Variants in FRY observed in about 807,000 individuals in gnomAD.
FRY encodes FRY microtubule binding protein, also known as protein furry homolog.
Under a neutral mutation model 348.4 loss-of-function variants are expected in FRY, and 128 were observed. That is an observed-to-expected ratio of 0.37 (90% CI 0.32 to 0.43). The LOEUF (loss-of-function observed/expected upper bound fraction) is 0.43. Ranked by LOEUF, FRY falls within the 20% of genes least tolerant of loss-of-function variation. The pLI is 1.00. For missense variants in FRY, 2,736 were observed against 3,695.2 expected, an observed-to-expected ratio of 0.74 and a Z score of 6.73; for synonymous variants, 1,370 against 1,374.7, an observed-to-expected ratio of 1.00 and a Z score of 0.08.
chr13:32,295,192 T>C lies in FRY; in HGVS notation c.8784-10T>C. ...GTGCCTCTAATCTGTGCTGTTCTTT[T>C]TGACTGCAGAAGTCTGTGGCCCAAT... On this transcript the variant is annotated splice_polypyrimidine_tract_variant and intron_variant, in intron 60 of 60. Coordinates refer to ENST00000542859, the MANE Select transcript of FRY (RefSeq NM_023037.3). The C allele has an allele frequency of 6.2e-7, 1 of 1,613,756 alleles. No individual in the cohort carries two copies. The highest frequency in any genetic ancestry group is 1.1e-5 in the South Asian group (1 of 91,082).
At chr13:32,047,554 CT>C (rs941143232) in intron 1 of FRY, among the ~76,000 whole-genome samples, 5 of 148,676 alleles carry the variant, frequency 3.4e-5, no homozygotes, top group Middle Eastern at 3.3e-3. Flanking sequence ...TTTTGTTTTT[CT>C]TTTTTTCTTT....
intron 42 of FRY, among the ~76,000 whole-genome samples, chr13:32,235,598 G>A (rs1485581285): frequency 6.6e-6 from 1 of 152,182 alleles, no homozygotes; most frequent in Non-Finnish European, 1.5e-5. Context: ...ACTCAAGCCT[G>A]GGCAACGGAA....
At chr13:32,101,123 C>T (rs914753146) in intron 2 of FRY, among the ~76,000 whole-genome samples, 11 of 152,262 alleles carry the variant, frequency 7.2e-5, no homozygotes, top group African/African-American at 2.4e-4. Context: ...CCTCTCATTC[C>T]TCTCTCGCCA....
chr13:32,035,348 C>T (rs539312298), intron 1 of FRY, among the ~76,000 whole-genome samples: 221 of 152,276 alleles, frequency 1.5e-3, no homozygotes, highest in African/African-American at 5.1e-3. Context: ...ACTACTTTAA[C>T]TTTCTACCTC....
intron 35 of FRY, among the ~76,000 whole-genome samples, chr13:32,213,399 C>G (rs1884796168): frequency 6.6e-6 from 1 of 152,332 alleles, no homozygotes; most frequent in Non-Finnish European, 1.5e-5. Flanking sequence ...CAGGCAGATG[C>G]TCATCCATAC....
intron 14 of FRY, 75 bp from the exon 15 acceptor site, chr13:32,155,416 C>A: frequency 9.4e-7 from 1 of 1,066,260 alleles, no homozygotes. Context: ...TCTTAACTAT[C>A]TGAAAGACTT....
chr13:32,211,682 C>G (rs926133503), intron 34 of FRY, among the ~76,000 whole-genome samples: 1 of 152,024 alleles, frequency 6.6e-6, no homozygotes, highest in Non-Finnish European at 1.5e-5. Flanking sequence ...GATTAAAATT[C>G]CCCCCAAAAG....
In FRY at chr13:32,274,881, G is replaced by A; in HGVS notation, c.8176G>A (p.Ala2726Thr). ...GTTCTGCTTCCTAACCTGTGATGCA[G>A]CCAGTTACCTTGGAGATAACCTCCG... is the stretch of plus-strand genomic sequence containing the variant. ...KRFCFLTCDA[A>T]SYLGDNLRGI... The change falls in exon 56 of 61, where the codon GCC becomes ACC. Residue 2726 changes from alanine (A) to threonine (T), a missense_variant. Physicochemically the swap from Ala to Thr is moderately conservative, Grantham distance 58 (BLOSUM62 0). Transcript: ENST00000542859. 1.9e-6 allele frequency: 3 copies of A among 1,613,472 alleles called. No individual in the cohort carries two copies. Among genetic ancestry groups the A allele is most frequent in the Non-Finnish European group, 2.5e-6 (3 of 1,179,460 alleles).
chr13:32,074,446 C>G (rs1874887859), intron 1 of FRY, among the ~76,000 whole-genome samples: 1 of 152,060 alleles, frequency 6.6e-6, no homozygotes, highest in Non-Finnish European at 1.5e-5. Context: ...TGCTCTTCTC[C>G]TCCACTCCAC....
At position 32,147,283 on chromosome 13, in the gene FRY, A is replaced by G; in HGVS notation, c.1181A>G (p.Asn394Ser). The G allele has an allele frequency of 6.3e-7, 1 of 1,585,982 alleles. No homozygotes were observed. Among genetic ancestry groups the G allele is most frequent in the Non-Finnish European group, 8.7e-7 (1 of 1,154,458 alleles). The change falls in exon 12 of 61, where the codon AAC (asparagine) becomes AGC (serine). Residue 394 changes from asparagine to serine, a missense_variant and splice_region_variant. Physicochemically the swap from Asn to Ser is conservative, Grantham distance 46. Around this residue, in one of 9 missense-constraint regions of FRY, gnomAD observed 191 missense variants for 370.2 expected, o/e 0.52. Transcript: ENST00000542859. Reference sequence around the variant, plus strand: ...CTTACATCTTGGTTTCTGTTATAGAACAAAGATCCCAAGATGGCTCGAGTT... The same window carrying G: ...CTTACATCTTGGTTTCTGTTATAGAGCAAAGATCCCAAGATGGCTCGAGTT... ...FLNNCLSNLK[N>S]KDPKMARVAL...
chr13:32,163,989 C>T (rs779995484), intron 17 of FRY, among the ~76,000 whole-genome samples: 10 of 152,046 alleles, frequency 6.6e-5, no homozygotes, highest in Non-Finnish European at 1.3e-4. Context: ...ATGGGAAACC[C>T]ATGAAGGGAC....
intron 29 of FRY, among the ~76,000 whole-genome samples, chr13:32,194,555 A>G (rs1883560499): frequency 6.6e-6 from 1 of 152,216 alleles, no homozygotes; most frequent in Admixed American, 6.5e-5. Context: ...GTCAGGTATT[A>G]CAGCAGGATT....
intron 1 of FRY, among the ~76,000 whole-genome samples, chr13:32,034,293 TG>T (rs1212863517): frequency 6.6e-6 from 1 of 152,204 alleles, no homozygotes; most frequent in Admixed American, 6.5e-5. Flanking sequence ...TGGCACATTG[TG>T]GGGAAAATGT....
chr13:32,251,479 A>G (rs2138509626), intron 49 of FRY, among the ~76,000 whole-genome samples: 1 of 151,854 alleles, frequency 6.6e-6, no homozygotes, highest in Non-Finnish European at 1.5e-5. Flanking sequence ...AAAGGAAGTG[A>G]TAGATCTCCT....
rs185189444 is a variant in FRY, at chr13:32,146,278, C to T, written c.1180-1004C>T. 3.3e-3 allele frequency among the ~76,000 whole-genome samples: 501 copies of T among 152,018 alleles called. 8 individuals carry two copies. Among genetic ancestry groups the T allele is most frequent in the African/African-American group, 0.011 (473 of 41,472 alleles). ...AATGTGTGTGCATTATGAATGAGTACAACAAAAATGGATTTAAGGTTCATC... is the reference window on the plus strand; with the variant it reads ...AATGTGTGTGCATTATGAATGAGTATAACAAAAATGGATTTAAGGTTCATC... On this transcript the variant is annotated intron_variant, in intron 11 of 60. Coordinates refer to ENST00000542859, the MANE Select transcript of FRY (RefSeq NM_023037.3).
At chr13:32,184,288 C>G (rs2045958675) in intron 24 of FRY, among the ~76,000 whole-genome samples, 1 of 152,188 alleles carries the variant, frequency 6.6e-6, no homozygotes, top group Non-Finnish European at 1.5e-5. Context: ...TTTCATGTCC[C>G]CTGCCCCTTT....
intron 58 of FRY, among the ~76,000 whole-genome samples, chr13:32,284,461 C>T (rs1888954637): frequency 6.6e-6 from 1 of 152,178 alleles, no homozygotes; most frequent in Admixed American, 6.5e-5. Context: ...CCTCTGTAAG[C>T]CATATTCTTT....
rs367716434 is a variant in FRY at position 32,274,949 on chromosome 13, C to T, written c.8244C>T (p.Thr2748=). Residue 2748 remains threonine (T), a synonymous_variant, in exon 56 of 61, where the codon ACC becomes ACT. Transcript: ENST00000542859. ...TTGTCAGCTCTTCCCAGATGCTCAC[C>T]TCCTGCTCTGAATGTCCTACACTTT... is the stretch of plus-strand genomic sequence containing the variant. ...SKFVSSSQML[T]SCSECPTLFV... 1.5e-5 allele frequency: 25 copies of T among 1,613,652 alleles called. No individual in the cohort carries two copies. The highest frequency in any genetic ancestry group is 1.9e-5 in the Non-Finnish European group (23 of 1,179,738).
intron 56 of FRY, chr13:32,275,201 AC>A: frequency 5.1e-6 from 2 of 389,100 alleles, no homozygotes. Context: ...ACACGGTGAA[AC>A]CCCGTATCTA....
Sources: allele counts gnomAD v4.1 joint callset (sites outside exome capture counted in the v4.1 genomes callset), GRCh38; gene constraint gnomAD v4.1.1; regional missense constraint gnomAD v4.1.1; transcripts MANE v1.5; gene names NCBI Gene and HGNC (gene_info 2026-07-23, HGNC 2026-07-21).